SNTG1: variants seen among roughly 807,000 people sequenced by gnomAD.
The protein encoded by SNTG1 is gamma-1-syntrophin.
Under a neutral mutation model 74.7 loss-of-function variants are expected in SNTG1, and 39 were observed. The observed-to-expected ratio is 0.52, with a 90% confidence interval of 0.40 to 0.68. The LOEUF (loss-of-function observed/expected upper bound fraction) is 0.68. Among genes scored for constraint, SNTG1 ranks in the 30% least tolerant of loss-of-function variants. SNTG1 has a pLI of 0.00. For synonymous variants in SNTG1, 254 were observed against 217.1 expected (o/e 1.17, Z -1.49); for missense variants, 685 against 609.5 (o/e 1.12, Z -1.30).
intron 1 of SNTG1, among the ~76,000 whole-genome samples, chr8:49,957,405 CTT>C (rs1810275838): frequency 6.6e-6 from 1 of 152,116 alleles, no homozygotes; most frequent in Admixed American, 6.5e-5. Flanking sequence ...TGTTGTTTAT[CTT>C]TATGTTCCTT....
chr8:50,233,961 A>G (rs538189020), intron 2 of SNTG1, among the ~76,000 whole-genome samples: 54 of 152,022 alleles, frequency 3.6e-4, no homozygotes, highest in African/African-American at 1.3e-3. Flanking sequence ...ATATAAAGTC[A>G]TAAAGCCACT....
chr8:50,708,809 A>C (rs1202590687), intron 16 of SNTG1, 77 bp from the exon 17 acceptor site: 2 of 881,592 alleles, frequency 2.3e-6, no homozygotes, highest in Non-Finnish European at 3.7e-6. Context: ...TACTTATTGC[A>C]GAAGCTGTAA....
intron 5 of SNTG1, among the ~76,000 whole-genome samples, chr8:50,447,697 C>T (rs967043887): frequency 6.6e-6 from 1 of 152,122 alleles, no homozygotes; most frequent in Admixed American, 6.5e-5. Flanking sequence ...AAAATGTCTG[C>T]ACCCTGAAGA....
intron 2 of SNTG1, among the ~76,000 whole-genome samples, chr8:50,240,058 A>T (rs998707081): frequency 4.6e-5 from 7 of 152,210 alleles, no homozygotes; most frequent in African/African-American, 1.4e-4. Flanking sequence ...AAAACAGTTA[A>T]TGCTAAAGAT....
rs5891360 is a variant in SNTG1 at position 50,298,033 on chromosome 8, T to TAA, written c.-27-96169_-27-96168dup. 2.2e-4 allele frequency among the ~76,000 whole-genome samples: 33 copies of TAA among 150,388 alleles called. No homozygotes were observed. In the South Asian group the frequency reaches 4.4e-3, roughly 20 times the overall value. On this transcript the variant is annotated intron_variant, in intron 2 of 18. Transcript: ENST00000642720. The stretch of plus-strand genomic sequence containing the variant: ...TTATGTCACAATCCTGTTGAAAAGC[T>TAA]AAAAAAAAAAATCCATATTAAGGGC...
At chr8:50,468,776 T>C (rs958141055) in intron 8 of SNTG1, among the ~76,000 whole-genome samples, 1 of 152,202 alleles carries the variant, frequency 6.6e-6, no homozygotes, top group African/African-American at 2.4e-5. Context: ...CCTTCTCTTA[T>C]TGTATCAATT....
chr8:50,131,622 G>A (rs978935293), intron 1 of SNTG1, among the ~76,000 whole-genome samples: 1 of 152,006 alleles, frequency 6.6e-6, no homozygotes, highest in African/African-American at 2.4e-5. Flanking sequence ...CTTGGCTATT[G>A]TGAATAATGC....
At chr8:50,672,438 T>C (rs996442426) in intron 15 of SNTG1, among the ~76,000 whole-genome samples, 2 of 152,146 alleles carry the variant, frequency 1.3e-5, no homozygotes, top group African/African-American at 4.8e-5. Context: ...TGATCAGTGA[T>C]CTTGAGTATT....
chr8:50,659,287 G>A (rs957937905), intron 15 of SNTG1, among the ~76,000 whole-genome samples: 5 of 151,978 alleles, frequency 3.3e-5, no homozygotes, highest in Admixed American at 2.0e-4. Context: ...AATTAAAATT[G>A]GAATAACCTA....
In SNTG1 at chr8:50,339,580, T is replaced by C. The variant is rs886923499; in HGVS notation, c.-27-54632T>C. On this transcript the variant is annotated intron_variant, in intron 2 of 18. Transcript: ENST00000642720. Reference sequence around the variant, plus strand: ...GAAGTGTTTTAGTATAGTAGTCTTATATTAGTTTTAAATGTATATTTCTAA... The same window carrying C: ...GAAGTGTTTTAGTATAGTAGTCTTACATTAGTTTTAAATGTATATTTCTAA... 2.6e-5 allele frequency among the ~76,000 whole-genome samples: 4 copies of C among 152,064 alleles called. No homozygotes were observed. In the South Asian group the frequency reaches 6.2e-4, roughly 24 times the overall value.
rs76057555 is a variant in SNTG1 at position 50,124,311 on chromosome 8, A to G, written c.-102-48250A>G. Among the ~76,000 whole-genome samples the G allele has an allele frequency of 5.6e-3, 796 of 142,100 alleles. 97 individuals carry two copies. The highest frequency in any genetic ancestry group is 0.019 in the African/African-American group (731 of 39,286). The allele number at this position is 142,100 out of a possible 152,430, so 93.2% of individuals were successfully genotyped here. A position where few individuals can be genotyped will look rare whatever the true frequency, so the allele number is the denominator to read the frequency against. On this transcript the variant is annotated intron_variant, in intron 1 of 18. Transcript: ENST00000642720. ...CAGCCTCAGAGTTCCAGCCTCTAGAATGTCGAGAAAACAAATTTCAGTTGT... is the reference window on the plus strand; with the variant it reads ...CAGCCTCAGAGTTCCAGCCTCTAGAGTGTCGAGAAAACAAATTTCAGTTGT...
intron 8 of SNTG1, among the ~76,000 whole-genome samples, chr8:50,471,359 A>T (rs1204331416): frequency 6.6e-6 from 1 of 152,162 alleles, no homozygotes; most frequent in Non-Finnish European, 1.5e-5. Context: ...TAAATTAAAA[A>T]TTGTCATCTA....
intron 15 of SNTG1, among the ~76,000 whole-genome samples, chr8:50,684,618 G>T (rs1274774871): frequency 6.6e-6 from 1 of 150,978 alleles, no homozygotes; most frequent in Non-Finnish European, 1.5e-5. Flanking sequence ...GGGTTTTAAT[G>T]ATAATTACAT....
intron 18 of SNTG1, among the ~76,000 whole-genome samples, chr8:50,764,688 T>C (rs1041986572): frequency 6.6e-6 from 1 of 151,992 alleles, no homozygotes; most frequent in Non-Finnish European, 1.5e-5. Context: ...TGTAAATTTA[T>C]ACAAGCCACG....
At chr8:50,697,351 T>C (rs2095408727) in intron 15 of SNTG1, among the ~76,000 whole-genome samples, 1 of 152,190 alleles carries the variant, frequency 6.6e-6, no homozygotes, top group African/African-American at 2.4e-5. Flanking sequence ...TTTTTTGAGA[T>C]ACATGATTAT....
At chr8:50,742,026 A>C (rs914769521) in intron 17 of SNTG1, among the ~76,000 whole-genome samples, 4 of 152,012 alleles carry the variant, frequency 2.6e-5, no homozygotes, top group African/African-American at 9.7e-5. Flanking sequence ...TTTGAAGGAT[A>C]ATAATATCAA....
intron 2 of SNTG1, among the ~76,000 whole-genome samples, chr8:50,303,803 T>C (rs2089757709): frequency 6.6e-6 from 1 of 152,178 alleles, no homozygotes; most frequent in Non-Finnish European, 1.5e-5. Flanking sequence ...ACATGGCAAA[T>C]GTAGTCATTT....
intron 2 of SNTG1, among the ~76,000 whole-genome samples, chr8:50,302,045 C>CA (rs756353062): frequency 2.0e-5 from 3 of 151,966 alleles, no homozygotes; most frequent in Admixed American, 1.3e-4. Flanking sequence ...TTGGTAGAGA[C>CA]AGAGTTTCAC....
At chr8:50,022,471 A>G (rs1191164694) in intron 1 of SNTG1, among the ~76,000 whole-genome samples, 1 of 152,220 alleles carries the variant, frequency 6.6e-6, no homozygotes, top group Non-Finnish European at 1.5e-5. Flanking sequence ...CTGGGATTCC[A>G]GGGAAAGTAG....
Sources: allele counts gnomAD v4.1 joint callset (sites outside exome capture counted in the v4.1 genomes callset), GRCh38; gene constraint gnomAD v4.1.1; transcripts MANE v1.5; gene names NCBI Gene and HGNC (gene_info 2026-07-23, HGNC 2026-07-21).